STPG2: variants seen among roughly 807,000 people sequenced by gnomAD.
STPG2 encodes sperm-tail PG-rich repeat-containing protein 2.
Under a neutral mutation model 54.2 loss-of-function variants are expected in STPG2, and 56 were observed. That is an observed-to-expected ratio of 1.03 (90% CI 0.83 to 1.29). The LOEUF (loss-of-function observed/expected upper bound fraction) is 1.29, where lower values mean the gene tolerates loss of function less well. STPG2 is among the 50% of genes most tolerant of loss of function. The probability of loss-of-function intolerance (pLI) is 0.00; values close to 1 mark genes in which losing one functional copy is unlikely to be tolerated. For missense variants in STPG2, 596 were observed against 544.9 expected (o/e 1.09, Z -0.93); for synonymous variants, 200 against 181.8 (o/e 1.10, Z -0.81).
At chr4:97,897,872 G>T (rs766256848) in intron 8 of STPG2, among the ~76,000 whole-genome samples, 1 of 152,144 alleles carries the variant, frequency 6.6e-6, no homozygotes, top group Non-Finnish European at 1.5e-5. Flanking sequence ...TCACTCTGTT[G>T]ATAGCCTCCT....
intron 8 of STPG2, among the ~76,000 whole-genome samples, chr4:97,883,204 T>C (rs1252366835): frequency 6.6e-6 from 1 of 151,324 alleles, no homozygotes; most frequent in Admixed American, 6.6e-5. Context: ...TAAATATACA[T>C]ATACACACAT....
intron 1 of STPG2, among the ~76,000 whole-genome samples, chr4:98,138,553 C>T (rs28758886): frequency 0.4 from 60,066 of 151,882 alleles, 12,121 homozygotes; most frequent in Middle Eastern, 0.46. Flanking sequence ...ACAAAGAAAA[C>T]GGCATTTTTC....
intron 8 of STPG2, among the ~76,000 whole-genome samples, chr4:97,923,632 G>C (rs999976335): frequency 6.7e-6 from 1 of 149,298 alleles, no homozygotes; most frequent in Non-Finnish European, 1.5e-5. Flanking sequence ...ACCAATCAGT[G>C]CTCTGTGTCT....
chr4:98,061,532 G>C (rs1737656089), intron 5 of STPG2, among the ~76,000 whole-genome samples: 1 of 151,898 alleles, frequency 6.6e-6, no homozygotes, highest in Non-Finnish European at 1.5e-5. Context: ...CCTAACATTG[G>C]GAATTACAGT....
chr4:98,082,141 A>G (rs1181490979), intron 5 of STPG2, among the ~76,000 whole-genome samples: 1 of 152,130 alleles, frequency 6.6e-6, no homozygotes, highest in East Asian at 1.9e-4. Flanking sequence ...ACTATGTTCT[A>G]CTCTAGTGCC....
intron 3 of STPG2, among the ~76,000 whole-genome samples, chr4:98,115,740 T>C (rs1004062632): frequency 1.3e-5 from 2 of 152,004 alleles, no homozygotes; most frequent in Non-Finnish European, 2.9e-5. Context: ...AGATTTGAAT[T>C]AACATTATTA....
At chr4:97,476,775 T>C (rs1578328379) in intron 4 of STPG2, among the ~76,000 whole-genome samples, 1 of 152,214 alleles carries the variant, frequency 6.6e-6, no homozygotes, top group African/African-American at 2.4e-5. Context: ...TACATTGTTG[T>C]TATCACTTAA....
At chr4:97,975,637 T>C (rs1463911996) in intron 6 of STPG2, among the ~76,000 whole-genome samples, 1 of 152,166 alleles carries the variant, frequency 6.6e-6, no homozygotes, top group Non-Finnish European at 1.5e-5. Context: ...TCCATCAGAC[T>C]CAATATGATA....
chr4:97,651,464 A>G (rs2148953686), intron 10 of STPG2, among the ~76,000 whole-genome samples: 1 of 152,226 alleles, frequency 6.6e-6, no homozygotes, highest in African/African-American at 2.4e-5. Context: ...TTACATTGTT[A>G]ATTAAGCTAT....
intron 10 of STPG2, among the ~76,000 whole-genome samples, chr4:97,615,656 C>T (rs1733841771): frequency 2.0e-5 from 3 of 151,868 alleles, no homozygotes; most frequent in Non-Finnish European, 1.5e-5. Flanking sequence ...TATATTTTTA[C>T]CGATATATCA....
intron 5 of STPG2, among the ~76,000 whole-genome samples, chr4:97,997,900 C>T (rs1452437997): frequency 6.6e-6 from 1 of 152,114 alleles, no homozygotes; most frequent in Non-Finnish European, 1.5e-5. Context: ...TATAACAAAC[C>T]TGCCCAGGTA....
In STPG2 at chr4:98,112,593, T is replaced by TGA. The variant is rs556490617; in HGVS notation, c.388-3290_388-3289dup. 1.8e-3 allele frequency among the ~76,000 whole-genome samples: 280 copies of TGA among 152,256 alleles called. 3 individuals are homozygous for TGA. The highest frequency in any genetic ancestry group is 0.01 in the Middle Eastern group (3 of 294). Reference sequence around the variant, plus strand: ...ACTTTAATGTTTGCATGAAGTAAAATGAGACCTTTGTTGATTCTTTTTTCA... The same window carrying TGA: ...ACTTTAATGTTTGCATGAAGTAAAATGAGAGACCTTTGTTGATTCTTTTTTCA... On this transcript the variant is annotated intron_variant, in intron 3 of 10. Transcript: ENST00000295268.
At chr4:97,608,966 C>T (rs1011001870) in intron 10 of STPG2, among the ~76,000 whole-genome samples, 1 of 152,002 alleles carries the variant, frequency 6.6e-6, no homozygotes, top group Admixed American at 6.6e-5. Flanking sequence ...TCCATGAGCA[C>T]AACACTGCAT....
In STPG2 at chr4:97,899,228, AC is replaced by A. The variant is rs146532454; in HGVS notation, c.1044+44668del. On this transcript the variant is annotated intron_variant, in intron 8 of 10. Transcript: ENST00000295268. ...AAATGTAATCTTATTTACAATTGCC[AC>A]AAAAAGAATAAAATAACAAGGAATA... Among the ~76,000 whole-genome samples the A allele has an allele frequency of 2.6e-3, 391 of 152,030 alleles. 3 individuals are homozygous for A. The highest frequency in any genetic ancestry group is 8.8e-3 in the African/African-American group (365 of 41,538).
In STPG2 at chr4:97,561,805, T is replaced by C. The variant is rs565777861; in HGVS notation, c.1321-2688A>G. Among the ~76,000 whole-genome samples the C allele has an allele frequency of 9.5e-4, 144 of 152,336 alleles. 2 individuals carry two copies. The South Asian group carries it at 0.029, about 31-fold the overall frequency. On this transcript the variant is annotated intron_variant, in intron 10 of 10. Coordinates refer to ENST00000295268, the MANE Select transcript of STPG2 (RefSeq NM_174952.3). The stretch of plus-strand genomic sequence containing the variant: ...GTTCTGTTCCATTGATCTATATCTC[T>C]GTTTTGGTACCAGTACCATGCTGTT...
intron 9 of STPG2, among the ~76,000 whole-genome samples, chr4:97,775,818 G>A (rs1436388394): frequency 6.6e-6 from 1 of 152,156 alleles, no homozygotes; most frequent in Admixed American, 6.6e-5. Context: ...CTAGAGTTCA[G>A]TGGCACAGTC....
intron 8 of STPG2, among the ~76,000 whole-genome samples, chr4:97,910,242 C>T (rs1303669906): frequency 6.6e-6 from 1 of 152,156 alleles, no homozygotes; most frequent in African/African-American, 2.4e-5. Context: ...CGAACTCATC[C>T]TGTACTAAGT....
intron 1 of STPG2, among the ~76,000 whole-genome samples, chr4:98,135,754 A>T (rs1463239246): frequency 2.6e-5 from 4 of 151,904 alleles, no homozygotes; most frequent in Admixed American, 2.6e-4. Context: ...AAGACCAGAA[A>T]TCCTTAAAAG....
chr4:98,141,922 T>C (rs958411866), intron 1 of STPG2, among the ~76,000 whole-genome samples: 1 of 130,534 alleles, frequency 7.7e-6, no homozygotes, highest in African/African-American at 3.1e-5. Context: ...TCCCAGACAC[T>C]CTTCCAAGAC....
Sources: gnomAD v4.1 joint callset for allele counts (sites outside exome capture counted in the v4.1 genomes callset) on GRCh38, gnomAD v4.1.1 for gene constraint, MANE v1.5 for transcripts, NCBI Gene and HGNC (gene_info 2026-07-23, HGNC 2026-07-21) for gene names.